ACAN: variants seen among roughly 807,000 people sequenced by gnomAD.
ACAN encodes the protein aggrecan core protein.
A neutral mutation model predicts 169.1 loss-of-function variants in ACAN; 47 were observed. That is an observed-to-expected ratio of 0.28 (90% CI 0.22 to 0.35). The LOEUF (loss-of-function observed/expected upper bound fraction) is 0.35, where lower values mean the gene tolerates loss of function less well. Among genes scored for constraint, ACAN ranks in the 10% least tolerant of loss-of-function variants. The pLI is 1.00. For missense variants in ACAN, 2,716 were observed against 2,759.9 expected (o/e 0.98, Z 0.36); for synonymous variants, 1,115 against 1,112.2 (o/e 1.00, Z -0.05).
Position 88,807,753 on chromosome 15 carries a change from T to A in ACAN, c.-8+3944T>A, listed in dbSNP as rs1895720520. ...GCCTCCTTATAAGTGGTGGAGTGTG[T>A]GTGTGTGTGTGTGTGTGTGTGTGTG... On this transcript the variant is annotated intron_variant, in intron 1 of 18. Coordinates refer to ENST00000560601, the MANE Select transcript of ACAN (RefSeq NM_001369268.1). The surrounding 1 kb of genome is among the most constrained non-coding windows in gnomAD (Gnocchi z 4.0). Among the ~76,000 whole-genome samples, 1 of 150,502 alleles carries A rather than the reference T, an allele frequency of 6.6e-6. No homozygotes were observed. The highest frequency in any genetic ancestry group is 2.4e-5 in the African/African-American group (1 of 40,982).
At chr15:88,853,845 C>T (rs988325097) in intron 11 of ACAN, among the ~76,000 whole-genome samples, 1 of 143,714 alleles carries the variant, frequency 7.0e-6, no homozygotes, top group Non-Finnish European at 1.5e-5. Flanking sequence ...GCCCAGCTAA[C>T]TTTTTTTTTT....
intron 11 of ACAN, among the ~76,000 whole-genome samples, chr15:88,853,178 A>T (rs1896968430): frequency 6.6e-6 from 1 of 152,192 alleles, no homozygotes; most frequent in South Asian, 2.1e-4. Context: ...GGACTCTGGC[A>T]ACCACGAGTG....
At position 88,807,783 on chromosome 15, in the gene ACAN, T is replaced by TGTGC. The variant is rs1555450513; in HGVS notation, c.-8+3975_-8+3978dup. ...GTGTGTGTGTGTGTGTGTGTGTGTGTGTGCATGCTGGCAGGGCGGGCCCTG... is the reference window on the plus strand; with the variant it reads ...GTGTGTGTGTGTGTGTGTGTGTGTGTGTGCGTGCATGCTGGCAGGGCGGGCCCTG... On this transcript the variant is annotated intron_variant, in intron 1 of 18. Coordinates refer to ENST00000560601, the MANE Select transcript of ACAN (RefSeq NM_001369268.1). This position sits in a 1 kb window ranked among gnomAD's most constrained non-coding sequence, Gnocchi z 4.0. Among the ~76,000 whole-genome samples the TGTGC allele has an allele frequency of 1.1e-4, 16 of 151,886 alleles. No individual in the cohort carries two copies. Among genetic ancestry groups the TGTGC allele is most frequent in the Admixed American group, 6.6e-5 (1 of 15,246 alleles).
intron 1 of ACAN, among the ~76,000 whole-genome samples, chr15:88,822,753 T>A (rs1451423303): frequency 2.0e-5 from 3 of 152,168 alleles, no homozygotes; most frequent in African/African-American, 7.2e-5. Flanking sequence ...ATGTGTTCTA[T>A]GAGGTGAGGT....
rs889875799 is a variant in ACAN at position 88,838,492 on chromosome 15, C to G, written c.71-171C>G. Among the ~76,000 whole-genome samples, 1 of 152,176 alleles carries G rather than the reference C, an allele frequency of 6.6e-6. No individual in the cohort carries two copies. The highest frequency in any genetic ancestry group is 2.4e-5 in the African/African-American group (1 of 41,444). On this transcript the variant is annotated intron_variant, in intron 2 of 18. Coordinates refer to ENST00000560601, the MANE Select transcript of ACAN (RefSeq NM_001369268.1). The surrounding 1 kb of genome is among the most constrained non-coding windows in gnomAD (Gnocchi z 5.1). ...ACTGCTCTGGAAAGGGCGTGGCAAG[C>G]CTTTCTGGGAATTCCCACATGACAC...
Position 88,849,286 on chromosome 15 carries a change from T to C in ACAN, c.1733-152T>C, listed in dbSNP as rs1359139168. ...ACCTATTTCCCAGGGTCCCAGAAAA[T>C]CTAAGGGGGAGTGGTCAAAAAAGGG... On this transcript the variant is annotated intron_variant, in intron 9 of 18. Transcript: ENST00000560601. The surrounding 1 kb of genome is among the most constrained non-coding windows in gnomAD (Gnocchi z 5.1). Among the ~76,000 whole-genome samples the C allele has an allele frequency of 6.6e-6, 1 of 151,806 alleles. No homozygotes were observed. Among genetic ancestry groups the C allele is most frequent in the East Asian group, 1.9e-4 (1 of 5,164 alleles).
intron 1 of ACAN, among the ~76,000 whole-genome samples, chr15:88,822,800 G>A (rs1896110051): frequency 6.6e-6 from 1 of 152,084 alleles, no homozygotes; most frequent in African/African-American, 2.4e-5. Context: ...TGCAATTAGG[G>A]TCCAAATAAT....
chr15:88,842,438 T>A (rs2045143549), intron 5 of ACAN, among the ~76,000 whole-genome samples: 1 of 151,960 alleles, frequency 6.6e-6, no homozygotes, highest in African/African-American at 2.4e-5. Flanking sequence ...TGACACCCTT[T>A]CCCCCATCTG....
chr15:88,851,939 G>A lies in ACAN; in HGVS notation c.2172G>A (p.Gly724=). 6.2e-7 allele frequency: 1 copy of A among 1,612,778 alleles called. No homozygotes were observed. The highest frequency in any genetic ancestry group is 8.5e-7 in the Non-Finnish European group (1 of 1,179,462). ...VEEETTAVPS[G]ETTAILEFTT... ...AGGAGACAACTGCTGTACCCTCAGG[G>A]GAGACTACTGCCATCCTAGAGTTCA... Residue 724 remains glycine (G), a synonymous_variant, in exon 11 of 19, where the codon GGG becomes GGA. Transcript: ENST00000560601. The surrounding 1 kb of genome is among the most constrained non-coding windows in gnomAD (Gnocchi z 4.3).
intron 6 of ACAN, among the ~76,000 whole-genome samples, chr15:88,844,552 T>G (rs375655334): frequency 6.6e-6 from 1 of 152,166 alleles, no homozygotes; most frequent in East Asian, 1.9e-4. Flanking sequence ...TTTTGTATTT[T>G]TAGTAGAGAT....
Position 88,845,566 on chromosome 15 carries a change from C to T in ACAN, c.1113C>T (p.Thr371=), listed in dbSNP as rs370104735. ...GAGTGGGGGGTGAGGAGGACATCACCGTCCAGACAGTGACCTGGCCTGACA... is the reference window on the plus strand; with the variant it reads ...GAGTGGGGGGTGAGGAGGACATCACTGTCCAGACAGTGACCTGGCCTGACA... ...FFGVGGEEDI[T]VQTVTWPDME... is the part of the protein sequence containing the mutation. Residue 371 remains threonine, a synonymous_variant, in exon 7 of 19, where the codon ACC becomes ACT. Coordinates refer to ENST00000560601, the MANE Select transcript of ACAN (RefSeq NM_001369268.1). 11 of 1,613,956 alleles carry T rather than the reference C, an allele frequency of 6.8e-6. No homozygotes were observed. The highest frequency in any genetic ancestry group is 9.3e-6 in the Non-Finnish European group (11 of 1,179,866).
At chr15:88,834,568 T>C (rs1373011197) in intron 1 of ACAN, among the ~76,000 whole-genome samples, 1 of 152,230 alleles carries the variant, frequency 6.6e-6, no homozygotes, top group East Asian at 1.9e-4. Context: ...GGGCGAGAGT[T>C]GCTGAAATCT....
At chr15:88,834,858 G>A (rs927946244) in intron 1 of ACAN, among the ~76,000 whole-genome samples, 1 of 152,204 alleles carries the variant, frequency 6.6e-6, no homozygotes, top group Non-Finnish European at 1.5e-5. Context: ...AAGCCCAGGT[G>A]ATTTCAGTGT....
At chr15:88,840,662 A>G (rs1896629559) in intron 4 of ACAN, among the ~76,000 whole-genome samples, 1 of 152,090 alleles carries the variant, frequency 6.6e-6, no homozygotes, top group Non-Finnish European at 1.5e-5. Context: ...TGAAGGCAAG[A>G]TGATATCACC....
chr15:88,825,312 G>T (rs1596120954), intron 1 of ACAN, among the ~76,000 whole-genome samples: 2 of 152,138 alleles, frequency 1.3e-5, no homozygotes, highest in Admixed American at 6.5e-5. Flanking sequence ...TCTGGTGGGT[G>T]ACTTGGAAGG....
chr15:88,859,205 C>T lies in ACAN; in HGVS notation c.6620C>T (p.Ser2207Leu), dbSNP rs1373291263. Residue 2207 changes from serine to leucine, a missense_variant, in exon 12 of 19, where the codon TCG becomes TTG. This residue lies in a region of ACAN where 1,389 missense variants were observed against 1,363.7 expected (regional missense o/e 1.02). Transcript: ENST00000560601. ...EISGDLSGHTSQLGVVISTSI... is the reference protein window; with the variant it reads ...EISGDLSGHTLQLGVVISTSI... Reference sequence around the variant, plus strand: ...AGCGGAGACCTGTCTGGTCACACCTCGCAGCTGGGCGTTGTCATCAGCACC... The same window carrying T: ...AGCGGAGACCTGTCTGGTCACACCTTGCAGCTGGGCGTTGTCATCAGCACC... 14 of 1,613,868 alleles carry T rather than the reference C, an allele frequency of 8.7e-6. No individual in the cohort carries two copies. Among genetic ancestry groups the T allele is most frequent in the Non-Finnish European group, 1.2e-5 (14 of 1,179,882 alleles).
chr15:88,843,306 A>G lies in ACAN; in HGVS notation c.758-49A>G. On this transcript the variant is annotated intron_variant, in intron 5 of 18. Coordinates refer to ENST00000560601, the MANE Select transcript of ACAN (RefSeq NM_001369268.1). The surrounding 1 kb of genome is among the most constrained non-coding windows in gnomAD (Gnocchi z 4.0). ...GTGGATCTCTCTGGGGATGCAGAGC[A>G]GGGGGAGGGGGGAGAAGACCCTTAC... 1 of 1,343,974 alleles carries G rather than the reference A, an allele frequency of 7.4e-7. No individual in the cohort carries two copies. Among genetic ancestry groups the G allele is most frequent in the Non-Finnish European group, 9.6e-7 (1 of 1,046,928 alleles). The allele number at this position is 1,343,974 out of a possible 1,614,324, so 83.3% of individuals were successfully genotyped here. A position where few individuals can be genotyped will look rare whatever the true frequency, so the allele number is the denominator to read the frequency against.
chr15:88,827,375 G>A (rs1020207619), intron 1 of ACAN, among the ~76,000 whole-genome samples: 2 of 152,232 alleles, frequency 1.3e-5, no homozygotes, highest in African/African-American at 4.8e-5. Context: ...TGTCACTGCA[G>A]AACAAATGAC....
intron 1 of ACAN, among the ~76,000 whole-genome samples, chr15:88,816,935 C>G (rs1834322945): frequency 6.6e-6 from 1 of 152,114 alleles, no homozygotes; most frequent in Non-Finnish European, 1.5e-5. Context: ...ATTCTGTTTC[C>G]CACCATCTGA....
Sources: allele counts gnomAD v4.1 joint callset (sites outside exome capture counted in the v4.1 genomes callset), GRCh38; gene constraint gnomAD v4.1.1; regional missense constraint gnomAD v4.1.1; non-coding constraint Gnocchi (gnomAD v3.1); transcripts MANE v1.5; gene names NCBI Gene and HGNC (gene_info 2026-07-23, HGNC 2026-07-21).